The following SREBF2 variants were observed in gnomAD, a reference collection of about 807,000 sequenced individuals.
SREBF2 encodes sterol regulatory element-binding protein 2.
Under a neutral mutation model 113.1 loss-of-function variants are expected in SREBF2, and 55 were observed. That is an observed-to-expected ratio of 0.49 (90% CI 0.39 to 0.61). SREBF2 has a LOEUF of 0.61. Ranked by LOEUF, SREBF2 falls within the 20% of genes least tolerant of loss-of-function variation. The pLI is 0.00. For missense variants in SREBF2, 1,349 were observed against 1,487.4 expected, an observed-to-expected ratio of 0.91 and a Z score of 1.53; for synonymous variants, 593 against 605.7, an observed-to-expected ratio of 0.98 and a Z score of 0.31.
intron 6 of SREBF2, 33 bp from the exon 7 acceptor site, chr22:41,875,510 G>A: frequency 6.2e-7 from 1 of 1,614,266 alleles, no homozygotes; most frequent in Non-Finnish European, 8.5e-7. Flanking sequence ...TGTAAAAGCA[G>A]ATCATTTTCA....
Position 41,867,048 on chromosome 22 carries a change from C to T in SREBF2, c.306C>T (p.Pro102=). 6.2e-7 allele frequency: 1 copy of T among 1,614,182 alleles called. No homozygotes were observed. ...AGGTCACATTACCTTCCTTCTCTCC[C>T]TCGGCGGCCTCCCCACAGGCTCCAA... ...FTQVTLPSFS[P]SAASPQAPTL... is the part of the protein sequence containing the mutation. The change falls in exon 2 of 19, where the codon CCC becomes CCT. Residue 102 remains proline (P), a synonymous_variant. Transcript: ENST00000361204.
chr22:41,870,086 C>T (rs2148381847), intron 3 of SREBF2, among the ~76,000 whole-genome samples: 1 of 152,236 alleles, frequency 6.6e-6, no homozygotes, highest in South Asian at 2.1e-4. Context: ...AAACTCCTGA[C>T]CTCATGATCC....
intron 3 of SREBF2, among the ~76,000 whole-genome samples, chr22:41,869,754 A>G (rs574798041): frequency 6.6e-6 from 1 of 151,946 alleles, no homozygotes; most frequent in Admixed American, 6.6e-5. Flanking sequence ...CAAAGTGCTG[A>G]GACTACAGGT....
At chr22:41,898,102 C>T (rs981494693) in intron 14 of SREBF2, among the ~76,000 whole-genome samples, 18 of 151,614 alleles carry the variant, frequency 1.2e-4, no homozygotes, top group Non-Finnish European at 2.9e-5. Context: ...ACTAGCTTAA[C>T]GGGAGTGAAC....
At chr22:41,904,489 C>T (rs1453247484) in intron 17 of SREBF2, 1 of 479,594 alleles carries the variant, frequency 2.1e-6, no homozygotes, top group Admixed American at 2.5e-5. Context: ...ACTGTCCCTC[C>T]TCACCCCTCT....
intron 16 of SREBF2, among the ~76,000 whole-genome samples, chr22:41,902,039 C>T (rs2077469749): frequency 6.6e-6 from 1 of 152,218 alleles, no homozygotes; most frequent in South Asian, 2.1e-4. Context: ...CCTTGAAGCA[C>T]ACAACAGCCA....
chr22:41,894,598 C>G lies in SREBF2; in HGVS notation c.2378-222C>G, dbSNP rs376495934. 3.3e-4 allele frequency among the ~76,000 whole-genome samples: 51 copies of G among 152,288 alleles called. 1 individual carries two copies. In the South Asian group the frequency reaches 0.01, roughly 31 times the overall value. On this transcript the variant is annotated intron_variant, in intron 12 of 18. Transcript: ENST00000361204. Reference sequence around the variant, plus strand: ...CAGCACCCTCCCCCACACCCCCTCCCCACCGGAGCTCATCCAGAACTAGTC... The same window carrying G: ...CAGCACCCTCCCCCACACCCCCTCCGCACCGGAGCTCATCCAGAACTAGTC...
chr22:41,867,873 G>A (rs1219099163), intron 2 of SREBF2, among the ~76,000 whole-genome samples: 1 of 152,152 alleles, frequency 6.6e-6, no homozygotes, highest in East Asian at 1.9e-4. Flanking sequence ...TAGTGGTGGA[G>A]ACTTGAATAA....
chr22:41,867,408 G>C, intron 2 of SREBF2, 128 bp downstream of exon 2: 1 of 1,038,560 alleles, frequency 9.6e-7, no homozygotes, highest in East Asian at 2.4e-5. Context: ...GTCTGAATGA[G>C]GTTCTGGTAA....
At chr22:41,895,079 T>A in intron 13 of SREBF2, 142 bp downstream of exon 13, 1 of 711,358 alleles carries the variant, frequency 1.4e-6, no homozygotes, top group East Asian at 2.7e-5. Context: ...TTGTATTTAA[T>A]TTCTCAAAAA....
chr22:41,833,545 C>T lies in SREBF2; in HGVS notation c.88+187C>T. 2 of 481,158 alleles carry T rather than the reference C, an allele frequency of 4.2e-6. No individual in the cohort carries two copies. The highest frequency in any genetic ancestry group is 3.5e-6 in the Non-Finnish European group (1 of 281,758). The allele number at this position is 481,158 out of a possible 1,614,324, so 29.8% of individuals were successfully genotyped here. A position where few individuals can be genotyped will look rare whatever the true frequency, so the allele number is the denominator to read the frequency against. The stretch of plus-strand genomic sequence containing the variant: ...CGAGCGTGAGCCCGACCCAGCTGCG[C>T]CGCTCCGGGAGGCCGTGGGATCTGG... On this transcript the variant is annotated intron_variant, in intron 1 of 18. Coordinates refer to ENST00000361204, the MANE Select transcript of SREBF2 (RefSeq NM_004599.4). The surrounding 1 kb of genome is among the most constrained non-coding windows in gnomAD (Gnocchi z 4.1).
chr22:41,884,465 A>C (rs2077280330), intron 10 of SREBF2, among the ~76,000 whole-genome samples: 1 of 152,210 alleles, frequency 6.6e-6, no homozygotes, highest in Admixed American at 6.5e-5. Context: ...TAATGAAAAT[A>C]AATTCAAATC....
intron 18 of SREBF2, 101 bp downstream of exon 18, chr22:41,905,075 C>A: frequency 9.1e-7 from 1 of 1,093,806 alleles, no homozygotes; most frequent in Non-Finnish European, 1.3e-6. Flanking sequence ...GGCATTGGTG[C>A]CCAGCACACC....
chr22:41,854,941 C>T lies in SREBF2; in HGVS notation c.89-11890C>T, dbSNP rs2076963938. Among the ~76,000 whole-genome samples, 3 of 151,078 alleles carry T rather than the reference C, an allele frequency of 2.0e-5. No individual in the cohort carries two copies. The South Asian group carries it at 6.3e-4, about 32-fold the overall frequency. ...CCTTGTCTCACTTTGTTGCCTAGGC[C>T]GACCTTGAATTCCTAGGTTCAAGCG... On this transcript the variant is annotated intron_variant, in intron 1 of 18. Coordinates refer to ENST00000361204, the MANE Select transcript of SREBF2 (RefSeq NM_004599.4).
intron 1 of SREBF2, among the ~76,000 whole-genome samples, chr22:41,850,145 A>G (rs562018335): frequency 1.3e-5 from 2 of 148,822 alleles, no homozygotes; most frequent in Non-Finnish European, 3.0e-5. Flanking sequence ...GTCTCAAAAG[A>G]AAAAAAGAAA....
intron 8 of SREBF2, 64 bp downstream of exon 8, chr22:41,877,485 G>T: frequency 6.4e-7 from 1 of 1,571,606 alleles, no homozygotes; most frequent in Non-Finnish European, 8.7e-7. Flanking sequence ...GAAGGACCCT[G>T]TGTACAAACT....
rs966742791 is a variant in SREBF2, at chr22:41,893,204, G to T, written c.2296G>T (p.Gly766Cys). 1 of 1,614,128 alleles carries T rather than the reference G, an allele frequency of 6.2e-7. No homozygotes were observed. The highest frequency in any genetic ancestry group is 1.1e-5 in the South Asian group (1 of 91,084). Residue 766 changes from glycine (G) to cysteine (C), a missense_variant, in exon 12 of 19, where the codon GGC becomes TGC. Physicochemically the swap from Gly to Cys is radical, Grantham distance 159. Coordinates refer to ENST00000361204, the MANE Select transcript of SREBF2 (RefSeq NM_004599.4). ...DSLRWLCHPLGQKFFMERSWS... is the reference protein window; with the variant it reads ...DSLRWLCHPLCQKFFMERSWS... ...CCTGCGCTGGCTCTGCCACCCCCTG[G>T]GCCAGAAGTTTTTCATGGAGCGGAG...
At chr22:41,879,439 A>ATGTC (rs1287263742) in intron 9 of SREBF2, among the ~76,000 whole-genome samples, 1 of 152,170 alleles carries the variant, frequency 6.6e-6, no homozygotes, top group Non-Finnish European at 1.5e-5. Context: ...TTTGGGAAGC[A>ATGTC]TGTCTGTCAG....
In SREBF2 at chr22:41,844,066, G is replaced by GTA. The variant is rs1602269296; in HGVS notation, c.88+10712_88+10713dup. ...CACACACACACACACACACACACAC[G>GTA]TATATGTATATATATTTTTTAAATT... On this transcript the variant is annotated intron_variant, in intron 1 of 18. Coordinates refer to ENST00000361204, the MANE Select transcript of SREBF2 (RefSeq NM_004599.4). 1.1e-4 allele frequency among the ~76,000 whole-genome samples: 4 copies of GTA among 36,986 alleles called. No homozygotes were observed. In the East Asian group the frequency reaches 2.7e-3, roughly 25 times the overall value. 24.3% of individuals were successfully genotyped at this position (36,986 alleles called of 152,430 possible).
Sources: gnomAD v4.1 joint callset for allele counts (sites outside exome capture counted in the v4.1 genomes callset) on GRCh38, gnomAD v4.1.1 for gene constraint, Gnocchi (gnomAD v3.1) non-coding constraint, MANE v1.5 for transcripts, NCBI Gene and HGNC (gene_info 2026-07-23, HGNC 2026-07-21) for gene names.